Variants in FUT8 observed in about 807,000 individuals in gnomAD.
FUT8 encodes the protein fucosyltransferase 8.
In FUT8, 29 loss-of-function variants were observed where a neutral mutation model predicts 71.3. The observed-to-expected ratio is 0.41, with a 90% CI of 0.30 to 0.55. The LOEUF is 0.55. FUT8 is among the 20% of genes least tolerant of loss of function. The pLI is 0.34. For missense variants in FUT8, 544 were observed against 702.1 expected (o/e 0.77, Z 2.55); for synonymous variants, 254 against 239.3 (o/e 1.06, Z -0.57).
chr14:65,630,838 T>C (rs1039831152), intron 6 of FUT8, among the ~76,000 whole-genome samples: 2 of 152,216 alleles, frequency 1.3e-5, no homozygotes, highest in African/African-American at 2.4e-5. Flanking sequence ...GAAGTTGAAA[T>C]GACCTTGGAA....
chr14:65,467,987 G>T lies in FUT8; in HGVS notation c.-228+12269G>T, dbSNP rs1022166012. Reference sequence around the variant, plus strand: ...TTACGTGTTTCAGGAAGCTATTTTGGCTCTTAGAGTGCTGAATGTGCTCAA... The same window carrying T: ...TTACGTGTTTCAGGAAGCTATTTTGTCTCTTAGAGTGCTGAATGTGCTCAA... On this transcript the variant is annotated intron_variant, in intron 2 of 10. Transcript: ENST00000673929. This position sits in a 1 kb window ranked among gnomAD's most constrained non-coding sequence, Gnocchi z 4.1. The T allele has an allele frequency of 2.9e-6, 2 of 697,764 alleles. No individual in the cohort carries two copies. Among genetic ancestry groups the T allele is most frequent in the Non-Finnish European group, 5.3e-6 (2 of 374,188 alleles). 43.2% of individuals were successfully genotyped at this position (697,764 alleles called of 1,614,324 possible). A position where few individuals can be genotyped will look rare whatever the true frequency, so the allele number is the denominator to read the frequency against.
intron 1 of FUT8, among the ~76,000 whole-genome samples, chr14:65,445,965 C>T (rs1028123734): frequency 6.6e-6 from 1 of 152,154 alleles, no homozygotes; most frequent in African/African-American, 2.4e-5. Context: ...GCACTATAAT[C>T]ATGTGCAAAG....
intron 7 of FUT8, among the ~76,000 whole-genome samples, chr14:65,691,277 C>G (rs1893572424): frequency 6.6e-6 from 1 of 150,924 alleles, no homozygotes; most frequent in East Asian, 1.9e-4. Context: ...CTGACTGATT[C>G]CTTTTATTTT....
At chr14:65,718,070 TTAA>T (rs1456122591) in intron 7 of FUT8, among the ~76,000 whole-genome samples, 4 of 152,198 alleles carry the variant, frequency 2.6e-5, no homozygotes, top group Non-Finnish European at 5.9e-5. Flanking sequence ...TTTAGTGTTA[TTAA>T]TAATAAGTAA....
chr14:65,555,074 G>A (rs1321253473), intron 2 of FUT8, among the ~76,000 whole-genome samples: 6 of 152,020 alleles, frequency 3.9e-5, no homozygotes, highest in African/African-American at 7.2e-5. Flanking sequence ...GCCCATTTTT[G>A]TATAGCTCAT....
intron 2 of FUT8, among the ~76,000 whole-genome samples, chr14:65,506,624 T>C (rs1294123787): frequency 1.3e-5 from 2 of 152,212 alleles, no homozygotes; most frequent in Non-Finnish European, 2.9e-5. Context: ...TATTGATTTT[T>C]TTAAAAAAAT....
intron 2 of FUT8, among the ~76,000 whole-genome samples, chr14:65,513,744 A>T (rs887748185): frequency 2.0e-5 from 3 of 152,234 alleles, no homozygotes; most frequent in Non-Finnish European, 4.4e-5. Flanking sequence ...TTATTTTCAG[A>T]GTAACAATCT....
At chr14:65,362,819 G>A in the FUT8 span, among the ~76,000 whole-genome samples, 6 of 151,744 alleles carry the variant, frequency 4.0e-5, no homozygotes, top group Non-Finnish European at 4.4e-5. Flanking sequence ...AAAATTAGCC[G>A]GGCGTGGTGG....
intron 2 of FUT8, among the ~76,000 whole-genome samples, chr14:65,475,624 C>T (rs561931122): frequency 1.3e-5 from 2 of 152,028 alleles, no homozygotes; most frequent in East Asian, 1.9e-4. Flanking sequence ...TGCATGTAGT[C>T]CTAGGTACTT....
At chr14:65,730,628 C>T (rs1034575263) in intron 9 of FUT8, among the ~76,000 whole-genome samples, 3 of 152,030 alleles carry the variant, frequency 2.0e-5, no homozygotes, top group African/African-American at 7.3e-5. Flanking sequence ...GCCAAGATCG[C>T]ACCACTGCAC....
the FUT8 span, among the ~76,000 whole-genome samples, chr14:65,383,273 T>TCTTTTTTC: frequency 2.1e-5 from 2 of 94,520 alleles, no homozygotes; most frequent in African/African-American, 9.8e-5. Flanking sequence ...TTCTTTTTTT[T>TCTTTTTTC]TTTTTTTTTT....
the FUT8 span, among the ~76,000 whole-genome samples, chr14:65,371,874 C>T: frequency 5.3e-5 from 8 of 152,150 alleles, no homozygotes; most frequent in Admixed American, 5.2e-4. Flanking sequence ...TCACTGTTGC[C>T]CAGGGCTGCT....
intron 1 of FUT8, among the ~76,000 whole-genome samples, chr14:65,422,027 C>T (rs1328756910): frequency 6.6e-6 from 1 of 152,048 alleles, no homozygotes; most frequent in Non-Finnish European, 1.5e-5. Context: ...CCTCGTGACC[C>T]CCTGATTTAG....
At chr14:65,387,959 G>A in the FUT8 span, among the ~76,000 whole-genome samples, 1 of 152,164 alleles carries the variant, frequency 6.6e-6, no homozygotes, top group Non-Finnish European at 1.5e-5. Flanking sequence ...AAAGAAGCCA[G>A]AGTATGATCA....
chr14:65,442,475 T>A (rs2065675538), intron 1 of FUT8, among the ~76,000 whole-genome samples: 1 of 151,286 alleles, frequency 6.6e-6, no homozygotes, highest in Non-Finnish European at 1.5e-5. Context: ...TGGCCAAGGG[T>A]GGACATTTGA....
At chr14:65,423,555 C>T (rs1248347567) in intron 1 of FUT8, among the ~76,000 whole-genome samples, 8 of 152,188 alleles carry the variant, frequency 5.3e-5, no homozygotes, top group African/African-American at 1.9e-4. Context: ...AGCCACCGCG[C>T]CCGGCCTAAG....
At chr14:65,373,962 G>T in the FUT8 span, among the ~76,000 whole-genome samples, 3 of 152,234 alleles carry the variant, frequency 2.0e-5, no homozygotes, top group Non-Finnish European at 4.4e-5. Context: ...AGAACCGGAA[G>T]AGATCTAACT....
In FUT8 at chr14:65,599,489, C is replaced by T. The variant is rs146809982; in HGVS notation, c.204-16489C>T. 2.1e-4 allele frequency among the ~76,000 whole-genome samples: 32 copies of T among 152,258 alleles called. No homozygotes were observed. In the East Asian group the frequency reaches 5.8e-3, roughly 28 times the overall value. ...TTTAGAAATATTTTAAATTCTTACT[C>T]ATGCTAGGGAATGGCTGGTACAGGA... is the stretch of plus-strand genomic sequence containing the variant. On this transcript the variant is annotated intron_variant, in intron 3 of 10. Coordinates refer to ENST00000673929, the MANE Select transcript of FUT8 (RefSeq NM_001371533.1).
chr14:65,554,580 A>G (rs1885485323), intron 2 of FUT8, among the ~76,000 whole-genome samples: 1 of 152,006 alleles, frequency 6.6e-6, no homozygotes, highest in African/African-American at 2.4e-5. Context: ...ATGTTGGTGT[A>G]TATGTGGATT....
Sources: gnomAD v4.1 joint callset for allele counts (sites outside exome capture counted in the v4.1 genomes callset) on GRCh38, gnomAD v4.1.1 for gene constraint, Gnocchi (gnomAD v3.1) non-coding constraint, MANE v1.5 for transcripts, NCBI Gene and HGNC (gene_info 2026-07-23, HGNC 2026-07-21) for gene names.